The following PLAU variants were observed in gnomAD, a reference collection of about 807,000 sequenced individuals.
PLAU encodes urokinase-type plasminogen activator.
PLAU carries 32 observed loss-of-function variants against 48.9 expected under a neutral mutation model. The observed-to-expected ratio is 0.65, with a 90% CI of 0.49 to 0.88. The LOEUF is 0.88. Ranked by LOEUF, PLAU falls within the 40% of genes least tolerant of loss-of-function variation. PLAU has a pLI of 0.00. For missense variants in PLAU, 455 were observed against 545.2 expected, an observed-to-expected ratio of 0.83 and a Z score of 1.65; for synonymous variants, 199 against 205.7, an observed-to-expected ratio of 0.97 and a Z score of 0.28.
rs528761202 is a variant in PLAU, at chr10:73,913,637, A to G, written c.559A>G (p.Ile187Val). Residue 187 changes from isoleucine to valine, a missense_variant, in exon 7 of 11, where the codon ATC becomes GTC. Coordinates refer to ENST00000372764, the MANE Select transcript of PLAU (RefSeq NM_002658.6). ...FKIIGGEFTT[I>V]ENQPWFAAIY... The stretch of plus-strand genomic sequence containing the variant: ...GATTATTGGGGGAGAATTCACCACC[A>G]TCGAGAACCAGCCCTGGTTTGCGGC... The G allele has an allele frequency of 2.0e-4, 319 of 1,613,988 alleles. 1 individual carries two copies. In the South Asian group the frequency reaches 3.2e-3, roughly 16 times the overall value.
chr10:73,916,180 T>C (rs1403184712), intron 10 of PLAU, among the ~76,000 whole-genome samples: 3 of 152,180 alleles, frequency 2.0e-5, no homozygotes, highest in African/African-American at 4.8e-5. Flanking sequence ...GGAGGCAAGT[T>C]TGCAGTGAGC....
chr10:73,913,220 T>C (rs2096128539), intron 5 of PLAU, 70 bp from the exon 6 acceptor site: 1 of 1,578,236 alleles, frequency 6.3e-7, no homozygotes, highest in Non-Finnish European at 8.7e-7. Context: ...GGTTGAGTCT[T>C]CCCTGAGGGG....
upstream of PLAU, chr10:73,910,577 G>A (rs764444662): frequency 5.3e-5 from 8 of 152,214 alleles, no homozygotes; most frequent in Non-Finnish European, 1.2e-4. Flanking sequence ...CCATCCACTG[G>A]TTGTGTTGGT....
At chr10:73,912,832 A>T in intron 4 of PLAU, 92 bp from the exon 5 acceptor site, 1 of 991,302 alleles carries the variant, frequency 1.0e-6, no homozygotes, top group Non-Finnish European at 1.5e-6. Context: ...ACTGGGCGAC[A>T]GAGCAAGACT....
At chr10:73,915,112 G>T in intron 9 of PLAU, 139 bp from the exon 10 acceptor site, 1 of 1,046,508 alleles carries the variant, frequency 9.6e-7, no homozygotes, top group Non-Finnish European at 1.4e-6. Context: ...AGGGGCTATA[G>T]GTGGAGTAAA....
In PLAU at chr10:73,913,081, G is replaced by A. The variant is rs149099771; in HGVS notation, c.351G>A (p.Gly117=). 3.7e-4 allele frequency: 594 copies of A among 1,613,768 alleles called. No individual in the cohort carries two copies. Among genetic ancestry groups the A allele is most frequent in the Admixed American group, 1.3e-3 (76 of 59,918 alleles). The stretch of plus-strand genomic sequence containing the variant: ...CTGATGCTCTTCAGCTGGGCCTGGG[G>A]AAACATAATTACTGCAGGTGAGGTG... The part of the protein sequence containing the change: ...HRSDALQLGL[G]KHNYCRNPDN... The change falls in exon 5 of 11, where the codon GGG becomes GGA. Residue 117 remains glycine (G), a synonymous_variant. Transcript: ENST00000372764.
intron 8 of PLAU, among the ~76,000 whole-genome samples, chr10:73,914,391 G>A (rs996140021): frequency 6.6e-6 from 1 of 152,212 alleles, no homozygotes; most frequent in Non-Finnish European, 1.5e-5. Context: ...ATATGGCTTG[G>A]GCTGGGAAGG....
At chr10:73,914,979 C>T in intron 9 of PLAU, 63 bp downstream of exon 9, 1 of 1,562,082 alleles carries the variant, frequency 6.4e-7, no homozygotes, top group Non-Finnish European at 8.8e-7. Context: ...AAAATGAGCC[C>T]AGCGTGATCA....
Position 73,915,266 on chromosome 10 carries a change from C to A in PLAU, c.986C>A (p.Pro329Gln), listed in dbSNP as rs139271997. The A allele has an allele frequency of 3.1e-6, 5 of 1,613,440 alleles. No homozygotes were observed. The South Asian group carries it at 4.4e-5, about 14-fold the overall frequency. Residue 329 changes from proline (P) to glutamine (Q), a missense_variant, in exon 10 of 11, where the codon CCG becomes CAG. Pro to Gln is a moderately conservative substitution (Grantham distance 76, BLOSUM62 -1). Transcript: ENST00000372764. ...CTCCACCTAGCCGACTATCTCTATC[C>A]GGAGCAGCTGAAAATGACTGTTGTG... is the stretch of plus-strand genomic sequence containing the variant. ...GKENSTDYLY[P>Q]EQLKMTVVKL...
chr10:73,910,417 C>T (rs1345686856), upstream of PLAU: 2 of 152,256 alleles, frequency 1.3e-5, no homozygotes, highest in African/African-American at 2.4e-5. Flanking sequence ...CATCATATCA[C>T]GACACCTAAC....
At chr10:73,910,882 T>C (rs1323741182), upstream of PLAU, 1 of 152,480 alleles carries the variant, frequency 6.6e-6, no homozygotes, top group Non-Finnish European at 1.5e-5. Flanking sequence ...CTCCTTGCAC[T>C]GGGGCAGGCC....
chr10:73,913,228 G>A, intron 5 of PLAU, 62 bp from the exon 6 acceptor site: 1 of 1,577,694 alleles, frequency 6.3e-7, no homozygotes, highest in Non-Finnish European at 8.7e-7. Flanking sequence ...CTTCCCTGAG[G>A]GGAGGAGGCA....
chr10:73,913,500 T>C, intron 6 of PLAU, 39 bp from the exon 7 acceptor site: 2 of 1,569,410 alleles, frequency 1.3e-6, no homozygotes, highest in Non-Finnish European at 1.8e-6. Flanking sequence ...TGCTTTCTCC[T>C]ACCTGCCTCC....
chr10:73,913,916 G>A (rs1375959609), intron 7 of PLAU, 64 bp from the exon 8 acceptor site: 1 of 1,534,230 alleles, frequency 6.5e-7, no homozygotes, highest in African/African-American at 1.4e-5. Context: ...GGCCTCTAGG[G>A]AGGGAAGGAA....
In PLAU at chr10:73,915,360, G is replaced by A. The variant is rs1050122; in HGVS notation, c.1080G>A (p.Leu360=). The change falls in exon 10 of 11, where the codon CTG becomes CTA. Residue 360 remains leucine (L), a synonymous_variant. Transcript: ENST00000372764. Reference sequence around the variant, plus strand: ...GCTCTGAAGTCACCACCAAAATGCTGTGTGCTGCTGACCCACAGTGGAAAA... The same window carrying A: ...GCTCTGAAGTCACCACCAAAATGCTATGTGCTGCTGACCCACAGTGGAAAA... ...YYGSEVTTKM[L]CAADPQWKTD... is the part of the protein sequence containing the mutation. 6 of 1,613,000 alleles carry A rather than the reference G, an allele frequency of 3.7e-6. No homozygotes were observed. Among genetic ancestry groups the A allele is most frequent in the Non-Finnish European group, 5.1e-6 (6 of 1,179,630 alleles).
In PLAU at chr10:73,913,733, G is replaced by A. The variant is rs1351115733; in HGVS notation, c.655G>A (p.Val219Met). 6.2e-7 allele frequency: 1 copy of A among 1,607,912 alleles called. No homozygotes were observed. Reference protein sequence around the residue: ...CGGSLISPCWVISATHCFIDY... With the variant: ...CGGSLISPCWMISATHCFIDY... The stretch of plus-strand genomic sequence containing the variant: ...AGGCAGCCTCATCAGCCCTTGCTGG[G>A]TGATCAGCGCCACACACTGCTTCAT... Residue 219 changes from valine to methionine, a missense_variant, in exon 7 of 11, where the codon GTG becomes ATG. Val to Met is a conservative substitution (Grantham distance 21). Transcript: ENST00000372764.
At chr10:73,914,243 C>A (rs1047022179) in intron 8 of PLAU, 115 bp downstream of exon 8, 7 of 985,644 alleles carry the variant, frequency 7.1e-6, no homozygotes, top group Admixed American at 4.4e-5. Flanking sequence ...GGGCGAGGGA[C>A]CTTGAAGCCT....
rs751912254 is a variant in PLAU at position 73,914,006 on chromosome 10, T to A, written c.707T>A (p.Ile236Asn). 1 of 1,613,980 alleles carries A rather than the reference T, an allele frequency of 6.2e-7. No individual in the cohort carries two copies. The change falls in exon 8 of 11, where the codon ATC (isoleucine) becomes AAC (asparagine). Residue 236 changes from isoleucine to asparagine, a missense_variant. By Grantham distance (149) the Ile-to-Asn change is moderately radical. Transcript: ENST00000372764. ...FIDYPKKEDY[I>N]VYLGRSRLNS... Reference sequence around the variant, plus strand: ...GATTACCCAAAGAAGGAGGACTACATCGTCTACCTGGGTCGCTCAAGGCTT... The same window carrying A: ...GATTACCCAAAGAAGGAGGACTACAACGTCTACCTGGGTCGCTCAAGGCTT...
In PLAU at chr10:73,913,088, A is replaced by C; in HGVS notation, c.358A>C (p.Asn120His). The C allele has an allele frequency of 1.9e-6, 3 of 1,613,410 alleles. No homozygotes were observed. The highest frequency in any genetic ancestry group is 2.5e-6 in the Non-Finnish European group (3 of 1,179,724). ...TCTTCAGCTGGGCCTGGGGAAACAT[A>C]ATTACTGCAGGTGAGGTGGGGGCAA... ...DALQLGLGKH[N>H]YCRNPDNRRR... The change falls in exon 5 of 11, where the codon AAT becomes CAT. Residue 120 changes from asparagine to histidine, a missense_variant. Physicochemically the swap from Asn to His is moderately conservative, Grantham distance 68 (BLOSUM62 1). Coordinates refer to ENST00000372764, the MANE Select transcript of PLAU (RefSeq NM_002658.6).
Sources: gnomAD v4.1 joint callset for allele counts (sites outside exome capture counted in the v4.1 genomes callset) on GRCh38, gnomAD v4.1.1 for gene constraint, MANE v1.5 for transcripts, NCBI Gene and HGNC (gene_info 2026-07-23, HGNC 2026-07-21) for gene names.